Variants in CFAP77 observed in about 807,000 individuals in gnomAD.
The protein encoded by CFAP77 is cilia and flagella associated protein 77, also known as cilia- and flagella-associated protein 77.
CFAP77 carries 25 observed loss-of-function variants against 31.1 expected under a neutral mutation model. The observed-to-expected ratio is 0.80, with a 90% CI of 0.59 to 1.12. The LOEUF is 1.12. CFAP77 is among the 50% of genes most tolerant of loss of function. The pLI is 0.00. For synonymous variants in CFAP77, 151 were observed against 159.9 expected (o/e 0.94, Z 0.42); for missense variants, 377 against 397.3 (o/e 0.95, Z 0.44).
chr9:132,553,225 C>A (rs1387423138), intron 5 of CFAP77, among the ~76,000 whole-genome samples: 1 of 152,186 alleles, frequency 6.6e-6, no homozygotes. Flanking sequence ...GGGGGCCCCA[C>A]CCTCACGATC....
intron 3 of CFAP77, among the ~76,000 whole-genome samples, chr9:132,510,749 G>A (rs376736101): frequency 1.2e-4 from 19 of 152,176 alleles, no homozygotes; most frequent in Non-Finnish European, 2.6e-4. Flanking sequence ...CAGTCCCGTC[G>A]GAGGCCAGAT....
At chr9:132,568,853 C>A (rs938928571) in intron 5 of CFAP77, among the ~76,000 whole-genome samples, 1 of 152,082 alleles carries the variant, frequency 6.6e-6, no homozygotes, top group East Asian at 1.9e-4. Context: ...GCATGTGCCA[C>A]CATGCCTGGC....
intron 3 of CFAP77, among the ~76,000 whole-genome samples, chr9:132,512,654 T>C (rs1852060140): frequency 6.6e-6 from 1 of 152,236 alleles, no homozygotes; most frequent in African/African-American, 2.4e-5. Flanking sequence ...AGTCAAAAGA[T>C]GATAGGTATA....
intron 1 of CFAP77, among the ~76,000 whole-genome samples, chr9:132,412,186 C>T (rs1453072333): frequency 1.3e-5 from 2 of 152,198 alleles, no homozygotes; most frequent in Non-Finnish European, 2.9e-5. Context: ...GACTCACCCA[C>T]GACTGGGGTT....
intron 1 of CFAP77, among the ~76,000 whole-genome samples, chr9:132,463,821 C>G (rs1353435077): frequency 6.6e-6 from 1 of 152,138 alleles, no homozygotes. Context: ...GGTGTCCCTG[C>G]TATCTGTGCA....
chr9:132,482,280 G>T, intron 1 of CFAP77: 1 of 1,539,542 alleles, frequency 6.5e-7, no homozygotes, highest in South Asian at 1.1e-5. Context: ...CTGACCAAAT[G>T]ATCAAGTGGA....
At chr9:132,467,152 T>C (rs1851166459) in intron 1 of CFAP77, among the ~76,000 whole-genome samples, 1 of 152,222 alleles carries the variant, frequency 6.6e-6, no homozygotes. Flanking sequence ...CACTCCAGCC[T>C]GGGCAACAGA....
At chr9:132,520,145 C>T (rs1852243557) in intron 3 of CFAP77, among the ~76,000 whole-genome samples, 2 of 151,354 alleles carry the variant, frequency 1.3e-5, no homozygotes, top group Non-Finnish European at 2.9e-5. Flanking sequence ...CTCCCCTCTC[C>T]TCTCACTCAG....
intron 1 of CFAP77, among the ~76,000 whole-genome samples, chr9:132,437,503 ATTTTTT>A (rs763301010): frequency 2.2e-5 from 2 of 90,472 alleles, no homozygotes; most frequent in South Asian, 3.8e-4. Flanking sequence ...CCACTTTTGC[ATTTTTT>A]TTTTTTTTTT....
intron 1 of CFAP77, among the ~76,000 whole-genome samples, chr9:132,445,851 A>G (rs1321237877): frequency 6.7e-6 from 1 of 150,294 alleles, no homozygotes; most frequent in Non-Finnish European, 1.5e-5. Flanking sequence ...CCTGGGCGAC[A>G]GAGTGAGACT....
Position 132,546,228 on chromosome 9 carries a change from C to T in CFAP77, c.732+3181C>T, listed in dbSNP as rs1338876217. On this transcript the variant is annotated intron_variant, in intron 5 of 5. Transcript: ENST00000393216. ...TTCCCAAACCAAGCACCCACCATCC[C>T]GGCAGCCACCAACTGGGCCTGGACT... Among the ~76,000 whole-genome samples, 9 of 152,322 alleles carry T rather than the reference C, an allele frequency of 5.9e-5. 1 individual carries two copies. In the East Asian group the frequency reaches 1.2e-3, roughly 20 times the overall value.
intron 1 of CFAP77, among the ~76,000 whole-genome samples, chr9:132,428,955 C>T (rs577844586): frequency 2.0e-5 from 3 of 152,218 alleles, no homozygotes; most frequent in South Asian, 2.1e-4. Flanking sequence ...TCTCTGGTCC[C>T]TGAGTTTTGG....
chr9:132,532,286 C>T (rs1001416802), intron 3 of CFAP77, among the ~76,000 whole-genome samples: 2 of 152,168 alleles, frequency 1.3e-5, no homozygotes, highest in East Asian at 3.9e-4. Flanking sequence ...GGCCAGGACC[C>T]AGGGAGTGGA....
chr9:132,440,524 C>G (rs1850599454), intron 1 of CFAP77, among the ~76,000 whole-genome samples: 1 of 152,180 alleles, frequency 6.6e-6, no homozygotes, highest in African/African-American at 2.4e-5. Flanking sequence ...AATACAGAAA[C>G]TTGCCTGAAG....
chr9:132,541,189 G>A (rs1000728221), intron 4 of CFAP77, among the ~76,000 whole-genome samples: 2 of 152,178 alleles, frequency 1.3e-5, no homozygotes, highest in African/African-American at 4.8e-5. Flanking sequence ...GATGACCCCA[G>A]ATGAAATTCG....
At chr9:132,422,878 T>C (rs1850245778) in intron 1 of CFAP77, among the ~76,000 whole-genome samples, 1 of 152,218 alleles carries the variant, frequency 6.6e-6, no homozygotes, top group African/African-American at 2.4e-5. Context: ...GTTAGTTGCA[T>C]CCTGGTCCCC....
At chr9:132,556,051 A>G (rs1852900545) in intron 5 of CFAP77, among the ~76,000 whole-genome samples, 1 of 152,074 alleles carries the variant, frequency 6.6e-6, no homozygotes, top group Non-Finnish European at 1.5e-5. Flanking sequence ...ACCCACCAGG[A>G]GTTTAAGTTA....
intron 1 of CFAP77, among the ~76,000 whole-genome samples, chr9:132,431,416 CAT>C (rs1181118880): frequency 2.0e-5 from 3 of 152,128 alleles, no homozygotes; most frequent in African/African-American, 4.8e-5. Flanking sequence ...CAAGTGAAAA[CAT>C]ATAGAATTGA....
intron 1 of CFAP77, among the ~76,000 whole-genome samples, chr9:132,475,752 C>T (rs1589872850): frequency 6.6e-6 from 1 of 152,234 alleles, no homozygotes; most frequent in Non-Finnish European, 1.5e-5. Flanking sequence ...TTGTCACCTC[C>T]ACCTGGAGTG....
Sources: gnomAD v4.1 joint callset for allele counts (sites outside exome capture counted in the v4.1 genomes callset) on GRCh38, gnomAD v4.1.1 for gene constraint, MANE v1.5 for transcripts, NCBI Gene and HGNC (gene_info 2026-07-23, HGNC 2026-07-21) for gene names.